EYS: variants seen among roughly 807,000 people sequenced by gnomAD.
EYS encodes the protein EGF-like photoreceptor maintenance factor, also known as protein eyes shut homolog.
EYS carries 250 observed loss-of-function variants against 282.1 expected under a neutral mutation model. The observed-to-expected ratio is 0.89, with a 90% confidence interval of 0.80 to 0.98. The LOEUF (loss-of-function observed/expected upper bound fraction) is 0.98. Among genes scored for constraint, EYS ranks in the 50% least tolerant of loss-of-function variants. EYS has a pLI of 0.00. For synonymous variants in EYS, 1,355 were observed against 1,282.9 expected (o/e 1.06, Z -1.20); for missense variants, 4,016 against 3,709.0 (o/e 1.08, Z -2.15).
intron 31 of EYS, among the ~76,000 whole-genome samples, chr6:64,195,434 C>T (rs1301833720): frequency 6.6e-6 from 1 of 152,174 alleles, no homozygotes; most frequent in African/African-American, 2.4e-5. Context: ...TCCCAAGTAG[C>T]TGGGACTACA....
chr6:63,958,518 G>A (rs1171963752), intron 35 of EYS, among the ~76,000 whole-genome samples: 1 of 152,190 alleles, frequency 6.6e-6, no homozygotes, highest in Non-Finnish European at 1.5e-5. Context: ...TGATGTACAA[G>A]CTACAGCAAA....
intron 12 of EYS, among the ~76,000 whole-genome samples, chr6:65,263,024 G>A (rs1767659046): frequency 6.6e-6 from 1 of 152,106 alleles, no homozygotes; most frequent in Non-Finnish European, 1.5e-5. Context: ...AGATAACTTA[G>A]TTTTGGATGA....
At chr6:65,005,448 G>C (rs1451274932) in intron 13 of EYS, among the ~76,000 whole-genome samples, 1 of 147,472 alleles carries the variant, frequency 6.8e-6, no homozygotes, top group Non-Finnish European at 1.5e-5. Context: ...TTGGAAGCGG[G>C]TCACCGCCAT....
intron 31 of EYS, among the ~76,000 whole-genome samples, chr6:64,195,278 A>T (rs1035694280): frequency 2.6e-5 from 4 of 152,176 alleles, no homozygotes; most frequent in Non-Finnish European, 5.9e-5. Context: ...AAAAAATGCA[A>T]TTCAATGGCT....
At chr6:65,692,737 GAGAA>G (rs1769288494) in intron 1 of EYS, among the ~76,000 whole-genome samples, 1 of 149,830 alleles carries the variant, frequency 6.7e-6, no homozygotes, top group African/African-American at 2.4e-5. Flanking sequence ...TCCAGTTCTG[GAGAA>G]AGAAAGTCAT....
chr6:65,452,736 T>TA, intron 5 of EYS, among the ~76,000 whole-genome samples: 1 of 152,140 alleles, frequency 6.6e-6, no homozygotes, highest in South Asian at 2.1e-4. Context: ...GCAAGTATCT[T>TA]ACAGTCCAAG....
At chr6:64,021,368 T>C (rs1769183759) in intron 33 of EYS, among the ~76,000 whole-genome samples, 1 of 151,626 alleles carries the variant, frequency 6.6e-6, no homozygotes, top group South Asian at 2.1e-4. Context: ...CCTAGATACA[T>C]GTTTCTTTAT....
chr6:64,242,372 TAAACC>T (rs1766863127), intron 30 of EYS, among the ~76,000 whole-genome samples: 13 of 152,198 alleles, frequency 8.5e-5, no homozygotes, highest in Admixed American at 6.5e-4. Context: ...TTTCTGCATT[TAAACC>T]AAATCAGAAA....
intron 12 of EYS, among the ~76,000 whole-genome samples, chr6:65,076,127 C>T (rs1583460460): frequency 6.6e-6 from 1 of 152,004 alleles, no homozygotes; most frequent in Non-Finnish European, 1.5e-5. Context: ...GATGATAGAT[C>T]ATACATGCTA....
At chr6:65,056,094 G>A (rs1487883563) in intron 13 of EYS, among the ~76,000 whole-genome samples, 3 of 151,902 alleles carry the variant, frequency 2.0e-5, no homozygotes, top group African/African-American at 7.3e-5. Flanking sequence ...ATTTCCATTA[G>A]TATGGACTCT....
At chr6:63,734,866 G>A (rs1298200894) in intron 41 of EYS, among the ~76,000 whole-genome samples, 2 of 152,020 alleles carry the variant, frequency 1.3e-5, no homozygotes, top group African/African-American at 4.8e-5. Flanking sequence ...AACAGAGATC[G>A]GTAAGGAATT....
intron 22 of EYS, among the ~76,000 whole-genome samples, chr6:64,765,653 T>C (rs1309140053): frequency 6.6e-6 from 1 of 152,124 alleles, no homozygotes; most frequent in East Asian, 1.9e-4. Flanking sequence ...CTTACAACTA[T>C]GCTACAAGGC....
At chr6:64,765,879 C>A (rs62415480) in intron 22 of EYS, among the ~76,000 whole-genome samples, 1 of 151,644 alleles carries the variant, frequency 6.6e-6, no homozygotes, top group South Asian at 2.1e-4. Flanking sequence ...GTGGGGATAC[C>A]GAGCCAAAAA....
chr6:65,266,509 T>G (rs1767757103), intron 12 of EYS, among the ~76,000 whole-genome samples: 1 of 151,954 alleles, frequency 6.6e-6, no homozygotes, highest in Admixed American at 6.6e-5. Flanking sequence ...AATGGATGAA[T>G]GAATGAAATT....
chr6:65,156,700 T>C (rs141750529), intron 12 of EYS, among the ~76,000 whole-genome samples: 11 of 151,214 alleles, frequency 7.3e-5, no homozygotes, highest in African/African-American at 2.7e-4. Context: ...ATCCAGACCA[T>C]TTCCCTCTGA....
intron 19 of EYS, among the ~76,000 whole-genome samples, chr6:64,830,792 T>C (rs1005620520): frequency 2.0e-5 from 3 of 151,798 alleles, no homozygotes; most frequent in African/African-American, 4.9e-5. Flanking sequence ...TTGACTATAA[T>C]AGATAAAGTA....
In EYS at chr6:64,360,844, C is replaced by A. The variant is rs951138577; in HGVS notation, c.6078+27846G>T. On this transcript the variant is annotated intron_variant, in intron 29 of 42. Coordinates refer to ENST00000503581, the MANE Select transcript of EYS (RefSeq NM_001142800.2). ...AAAGTAACCATTTCTTAAAGAAAGA[C>A]AGATTTTAAGGGACTTAACTTTTCA... Among the ~76,000 whole-genome samples the A allele has an allele frequency of 2.0e-5, 3 of 151,650 alleles. No homozygotes were observed. The East Asian group carries it at 5.9e-4, about 30-fold the overall frequency.
chr6:64,983,125 T>G (rs893532025), intron 14 of EYS, among the ~76,000 whole-genome samples: 4 of 151,226 alleles, frequency 2.6e-5, no homozygotes, highest in Non-Finnish European at 5.9e-5. Context: ...AGATAAAGCG[T>G]TCATATTACG....
chr6:64,902,347 C>T (rs1271499878), intron 17 of EYS, 57 bp downstream of exon 17: 1 of 1,328,696 alleles, frequency 7.5e-7, no homozygotes, highest in African/African-American at 1.5e-5. Flanking sequence ...AAATTCTATA[C>T]CTGTATACAT....
Sources: allele counts gnomAD v4.1 joint callset (sites outside exome capture counted in the v4.1 genomes callset), GRCh38; gene constraint gnomAD v4.1.1; transcripts MANE v1.5; gene names NCBI Gene and HGNC (gene_info 2026-07-23, HGNC 2026-07-21).